DENND2A: variants seen among roughly 807,000 people sequenced by gnomAD.
DENND2A encodes DENN domain-containing protein 2A.
Under a neutral mutation model 105.3 loss-of-function variants are expected in DENND2A, and 53 were observed. That is an observed-to-expected ratio of 0.50 (90% CI 0.40 to 0.63). The LOEUF (loss-of-function observed/expected upper bound fraction) is 0.63. Ranked by LOEUF, DENND2A falls within the 30% of genes least tolerant of loss-of-function variation. The pLI is 0.00. For missense variants in DENND2A, 1,138 were observed against 1,279.6 expected (o/e 0.89, Z 1.69); for synonymous variants, 522 against 508.4 (o/e 1.03, Z -0.36).
chr7:140,569,025 A>G (rs1480413516), intron 7 of DENND2A, among the ~76,000 whole-genome samples: 1 of 151,738 alleles, frequency 6.6e-6, no homozygotes, highest in East Asian at 1.9e-4. Context: ...TCCAGGTTCC[A>G]GTGATTCTCC....
chr7:140,525,095 G>A (rs1340428806), intron 16 of DENND2A, among the ~76,000 whole-genome samples: 2 of 150,286 alleles, frequency 1.3e-5, no homozygotes, highest in African/African-American at 4.9e-5. Flanking sequence ...ACTGAGGTGG[G>A]AAGATCACTT....
At chr7:140,635,770 C>T (rs11767611) in intron 1 of DENND2A, among the ~76,000 whole-genome samples, 6 of 152,100 alleles carry the variant, frequency 3.9e-5, no homozygotes, top group African/African-American at 1.2e-4. Context: ...CAGGGACAAA[C>T]GTGCCAAAGA....
chr7:140,532,493 C>T (rs1373117145), intron 14 of DENND2A, among the ~76,000 whole-genome samples: 4 of 152,162 alleles, frequency 2.6e-5, no homozygotes, highest in East Asian at 1.9e-4. Context: ...TCCTTCTACG[C>T]GTCAGACTTG....
intron 18 of DENND2A, among the ~76,000 whole-genome samples, chr7:140,521,623 C>G (rs942405301): frequency 1.3e-5 from 2 of 152,110 alleles, no homozygotes; most frequent in Admixed American, 1.3e-4. Context: ...AGAAGGAGAC[C>G]CTGCCACAGA....
intron 5 of DENND2A, among the ~76,000 whole-genome samples, chr7:140,579,003 C>T (rs937909123): frequency 6.6e-6 from 1 of 151,928 alleles, no homozygotes; most frequent in Non-Finnish European, 1.5e-5. Flanking sequence ...AGGCTAGATG[C>T]GGTGGCTCAT....
At chr7:140,639,312 A>G (rs1049060391) in intron 1 of DENND2A, among the ~76,000 whole-genome samples, 1 of 151,814 alleles carries the variant, frequency 6.6e-6, no homozygotes, top group African/African-American at 2.4e-5. Flanking sequence ...AGATTGCACT[A>G]CCGCACTCCA....
At position 140,519,759 on chromosome 7, in the gene DENND2A, T is replaced by C. The variant is rs1795785844; in HGVS notation, c.2912-41A>G. On this transcript the variant is annotated intron_variant, in intron 18 of 19. Coordinates refer to ENST00000496613, the MANE Select transcript of DENND2A (RefSeq NM_015689.5). ...ATCCCAGCCATTTGAGTTCTTGGTC[T>C]TTGCACTTCTAAATGTGTCCATTTC... The C allele has an allele frequency of 1.9e-6, 3 of 1,570,006 alleles. No homozygotes were observed. In the South Asian group the frequency reaches 3.3e-5, roughly 17 times the overall value.
At chr7:140,622,723 CCTT>C (rs144845111) in intron 1 of DENND2A, among the ~76,000 whole-genome samples, 196 of 151,878 alleles carry the variant, frequency 1.3e-3, no homozygotes, top group Middle Eastern at 6.8e-3. Flanking sequence ...AATACTTTTT[CCTT>C]CTTCTTCTTC....
chr7:140,594,774 A>T (rs1024214257), intron 3 of DENND2A, among the ~76,000 whole-genome samples: 1 of 152,128 alleles, frequency 6.6e-6, no homozygotes, highest in Non-Finnish European at 1.5e-5. Context: ...CTGGAGTGCA[A>T]TGGCGCATCT....
chr7:140,601,975 T>TCGGCCC lies in DENND2A; in HGVS notation c.417_422dup (p.Gly142_Arg143dup), dbSNP rs913354641. Reference sequence around the variant, plus strand: ...GCTTGCCAAGTCTTGGCTCTCGGCCTCGGCCCCAGCTAGGATCCACTTCCC... The same window carrying TCGGCCC: ...GCTTGCCAAGTCTTGGCTCTCGGCCTCGGCCCCGGCCCCAGCTAGGATCCACTTCCC... On this transcript the variant is annotated inframe_insertion, in exon 3 of 20. Transcript: ENST00000496613. 6 of 1,614,232 alleles carry TCGGCCC rather than the reference T, an allele frequency of 3.7e-6. No homozygotes were observed. In the Middle Eastern group the frequency reaches 4.9e-4, roughly 133 times the overall value.
chr7:140,554,696 T>C (rs1250466569), intron 12 of DENND2A, among the ~76,000 whole-genome samples: 1 of 152,178 alleles, frequency 6.6e-6, no homozygotes, highest in Non-Finnish European at 1.5e-5. Context: ...GAAATGATGT[T>C]GGATTATACC....
At chr7:140,594,861 G>A (rs1392074134) in intron 3 of DENND2A, among the ~76,000 whole-genome samples, 1 of 152,068 alleles carries the variant, frequency 6.6e-6, no homozygotes, top group Non-Finnish European at 1.5e-5. Flanking sequence ...GACTACAAGT[G>A]CGTGCCACCA....
chr7:140,583,736 T>TA (rs1798646077), intron 5 of DENND2A, among the ~76,000 whole-genome samples: 1 of 147,084 alleles, frequency 6.8e-6, no homozygotes, highest in South Asian at 2.1e-4. Context: ...GAGACCATCC[T>TA]GTGAATGGTG....
Position 140,519,665 on chromosome 7 carries a change from G to T in DENND2A, c.2965C>A (p.His989Asn). The change falls in exon 19 of 20, where the codon CAC (histidine) becomes AAC (asparagine). Residue 989 changes from histidine to asparagine, a missense_variant. His to Asn is a moderately conservative substitution (Grantham distance 68). Coordinates refer to ENST00000496613, the MANE Select transcript of DENND2A (RefSeq NM_015689.5). ...EYLETLPSGEHSGVNKFLKGL... is the reference protein window; with the variant it reads ...EYLETLPSGENSGVNKFLKGL... ...TTCAGGAACTTATTGACACCGCTGTGCTCTCCACTGGGGAGTGTTTCCAGA... is the reference window on the plus strand; with the variant it reads ...TTCAGGAACTTATTGACACCGCTGTTCTCTCCACTGGGGAGTGTTTCCAGA... The T allele has an allele frequency of 6.2e-7, 1 of 1,614,104 alleles. No homozygotes were observed. The highest frequency in any genetic ancestry group is 8.5e-7 in the Non-Finnish European group (1 of 1,180,032).
chr7:140,602,168 G>A lies in DENND2A; in HGVS notation c.230C>T (p.Ser77Phe). 6.2e-7 allele frequency: 1 copy of A among 1,614,138 alleles called. No homozygotes were observed. Among genetic ancestry groups the A allele is most frequent in the Non-Finnish European group, 8.5e-7 (1 of 1,180,036 alleles). The change falls in exon 3 of 20, where the codon TCC (serine) becomes TTC (phenylalanine). Residue 77 changes from serine (S) to phenylalanine (F), a missense_variant. This residue lies in a region of DENND2A where 511 missense variants were observed against 499.9 expected (regional missense o/e 1.02). Transcript: ENST00000496613. ...RADGQEDYLP[S>F]STVERRSSDG... The stretch of plus-strand genomic sequence containing the variant: ...ACTACTCCTCCTCTCCACCGTAGAG[G>A]ACGGCAGATAATCCTCCTGTCCGTC...
intron 1 of DENND2A, among the ~76,000 whole-genome samples, chr7:140,614,998 C>T (rs1462140514): frequency 1.3e-5 from 2 of 152,178 alleles, no homozygotes; most frequent in African/African-American, 4.8e-5. Flanking sequence ...CCCCAGGTAG[C>T]TGGGACTACA....
intron 9 of DENND2A, among the ~76,000 whole-genome samples, chr7:140,563,528 G>A (rs534318316): frequency 2.6e-5 from 4 of 152,014 alleles, no homozygotes; most frequent in Admixed American, 1.3e-4. Context: ...TGACAGAAGT[G>A]AGGGATAAAA....
In DENND2A at chr7:140,618,367, G is replaced by A. The variant is rs375569890; in HGVS notation, c.-247-12561C>T. On this transcript the variant is annotated intron_variant, in intron 1 of 19. Coordinates refer to ENST00000496613, the MANE Select transcript of DENND2A (RefSeq NM_015689.5). Reference sequence around the variant, plus strand: ...CCAACTTATTTCAACTTTCAAATATGTAAACTTGGTCTTCCTTCTCTCTGT... The same window carrying A: ...CCAACTTATTTCAACTTTCAAATATATAAACTTGGTCTTCCTTCTCTCTGT... Among the ~76,000 whole-genome samples, 133 of 152,280 alleles carry A rather than the reference G, an allele frequency of 8.7e-4. 4 individuals are homozygous for A. The South Asian group carries it at 0.023, about 27-fold the overall frequency.
chr7:140,605,245 T>C (rs1006097619), intron 2 of DENND2A, among the ~76,000 whole-genome samples: 5 of 152,122 alleles, frequency 3.3e-5, no homozygotes, highest in African/African-American at 1.2e-4. Flanking sequence ...GGTGCAGAGC[T>C]AAGAACCCCT....
Sources: gnomAD v4.1 joint callset for allele counts (sites outside exome capture counted in the v4.1 genomes callset) on GRCh38, gnomAD v4.1.1 for gene constraint, gnomAD v4.1.1 regional missense constraint, MANE v1.5 for transcripts, NCBI Gene and HGNC (gene_info 2026-07-23, HGNC 2026-07-21) for gene names.